Variants in SAMMSON observed in about 807,000 individuals in gnomAD.
SAMMSON encodes long intergenic non-protein coding RNA 1212.
intron 3 of SAMMSON, among the ~76,000 whole-genome samples, chr3:70,060,248 T>A (rs2067182711): frequency 1.3e-5 from 2 of 152,182 alleles, no homozygotes; most frequent in South Asian, 4.1e-4. Flanking sequence ...ACAGAATACA[T>A]TCCCTTATGG....
chr3:70,222,235 TA>T (rs1159827648), intron 4 of SAMMSON, among the ~76,000 whole-genome samples: 1 of 152,118 alleles, frequency 6.6e-6, no homozygotes, highest in Non-Finnish European at 1.5e-5. Context: ...TGGGTTTGGG[TA>T]AAATTCATAC....
At chr3:70,187,996 G>T (rs1325809486) in intron 4 of SAMMSON, among the ~76,000 whole-genome samples, 1 of 152,114 alleles carries the variant, frequency 6.6e-6, no homozygotes, top group East Asian at 1.9e-4. Context: ...TTAAGGAGAA[G>T]GGCAGCCACC....
intron 9 of SAMMSON, among the ~76,000 whole-genome samples, chr3:70,389,272 G>A (rs879468295): frequency 1.3e-5 from 2 of 152,054 alleles, no homozygotes; most frequent in African/African-American, 2.4e-5. Flanking sequence ...ACATACGCCT[G>A]TGTAGTATAA....
intron 3 of SAMMSON, among the ~76,000 whole-genome samples, chr3:70,024,464 T>C (rs956555312): frequency 1.3e-5 from 2 of 152,200 alleles, no homozygotes; most frequent in African/African-American, 4.8e-5. Context: ...ACTCATCATA[T>C]ACCACCAAAT....
intron 3 of SAMMSON, among the ~76,000 whole-genome samples, chr3:70,033,515 G>A (rs1300956377): frequency 6.6e-6 from 1 of 152,152 alleles, no homozygotes; most frequent in East Asian, 1.9e-4. Context: ...GAGAGAGACT[G>A]GCGAAATATG....
chr3:70,295,742 A>G (rs1490262941), intron 7 of SAMMSON, among the ~76,000 whole-genome samples: 1 of 152,194 alleles, frequency 6.6e-6, no homozygotes, highest in Non-Finnish European at 1.5e-5. Flanking sequence ...AAATATTTTA[A>G]AGTGCTGTAT....
intron 4 of SAMMSON, among the ~76,000 whole-genome samples, chr3:70,188,975 G>T (rs1357656547): frequency 2.0e-5 from 3 of 152,082 alleles, no homozygotes; most frequent in Non-Finnish European, 4.4e-5. Context: ...GTCTCCTAAT[G>T]GTTCAAACAC....
intron 2 of SAMMSON, among the ~76,000 whole-genome samples, chr3:70,425,640 A>C (rs9814314): frequency 0.45 from 68,630 of 151,278 alleles, 15,865 homozygotes; most frequent in African/African-American, 0.53. Flanking sequence ...GTCTCGATCT[A>C]CTGACCTCAT....
rs139500601 is a variant in SAMMSON at position 70,427,029 on chromosome 3, T to C, written n.234-35531T>C. 2.7e-3 allele frequency among the ~76,000 whole-genome samples: 415 copies of C among 152,336 alleles called. 2 individuals carry two copies. The highest frequency in any genetic ancestry group is 9.7e-3 in the African/African-American group (405 of 41,574). On this transcript the variant is annotated intron_variant and non_coding_transcript_variant, in intron 2 of 3. Coordinates refer to the SAMMSON transcript ENST00000641053. Reference sequence around the variant, plus strand: ...AATAAAGATATTGATAGTTTGTGAATAGTTTAAATTCTTCAGAAAGTCACT... The same window carrying C: ...AATAAAGATATTGATAGTTTGTGAACAGTTTAAATTCTTCAGAAAGTCACT...
rs2067050518 is a variant in SAMMSON, at chr3:70,028,197, TTCTTTCTC to T, written n.417+14533_417+14540del. Among the ~76,000 whole-genome samples the T allele has an allele frequency of 4.0e-5, 6 of 150,696 alleles. 1 individual carries two copies. Among genetic ancestry groups the T allele is most frequent in the Middle Eastern group, 3.4e-3 (1 of 294 alleles). On this transcript the variant is annotated intron_variant and non_coding_transcript_variant, in intron 3 of 9. Coordinates refer to ENST00000642114, the Ensembl canonical transcript of SAMMSON. ...TTCCTTCCTTCCTTCCTTTCTTTCT[TTCTTTCTC>T]TCTTTCTTTCTTTCTCTTTTTCTTT...
At chr3:70,032,265 G>C (rs2067068901) in intron 3 of SAMMSON, among the ~76,000 whole-genome samples, 1 of 151,126 alleles carries the variant, frequency 6.6e-6, no homozygotes, top group Non-Finnish European at 1.5e-5. Flanking sequence ...AGGAGGAGAA[G>C]GGTACAGGCA....
intron 4 of SAMMSON, among the ~76,000 whole-genome samples, chr3:70,092,920 T>G (rs549268726): frequency 5.8e-4 from 88 of 151,760 alleles, no homozygotes; most frequent in Admixed American, 2.5e-3. Flanking sequence ...TTTTTTGTTT[T>G]TTTTTTCCAC....
chr3:70,332,464 T>A (rs1702628138), intron 7 of SAMMSON, among the ~76,000 whole-genome samples: 1 of 152,128 alleles, frequency 6.6e-6, no homozygotes, highest in African/African-American at 2.4e-5. Context: ...GATGTCCAAG[T>A]GTCATCTCAG....
intron 4 of SAMMSON, among the ~76,000 whole-genome samples, chr3:70,113,609 A>G (rs1300341773): frequency 6.6e-6 from 1 of 152,196 alleles, no homozygotes; most frequent in Non-Finnish European, 1.5e-5. Flanking sequence ...GATGTGTACA[A>G]GTTTATCTCC....
chr3:70,002,012 T>TA (rs1237389364), intron 1 of SAMMSON, among the ~76,000 whole-genome samples: 1 of 152,164 alleles, frequency 6.6e-6, no homozygotes, highest in Non-Finnish European at 1.5e-5. Context: ...ACCAAAGACA[T>TA]ACAGTATATC....
intron 9 of SAMMSON, among the ~76,000 whole-genome samples, chr3:70,380,935 G>A (rs1486743369): frequency 6.6e-6 from 1 of 152,216 alleles, no homozygotes; most frequent in East Asian, 1.9e-4. Flanking sequence ...TCTTAATCCA[G>A]TCTATCATTG....
chr3:70,288,796 C>A (rs1236944838), intron 6 of SAMMSON, among the ~76,000 whole-genome samples: 2 of 151,646 alleles, frequency 1.3e-5, no homozygotes, highest in African/African-American at 2.4e-5. Context: ...TTGAATTGAT[C>A]CCTTTACCAT....
intron 4 of SAMMSON, among the ~76,000 whole-genome samples, chr3:70,147,291 A>AT (rs1312560329): frequency 6.6e-6 from 1 of 151,956 alleles, no homozygotes; most frequent in African/African-American, 2.4e-5. Flanking sequence ...ATTCAAGAAT[A>AT]TTTTTTTGTA....
chr3:70,289,556 A>C lies in SAMMSON; in HGVS notation n.675-1623A>C, dbSNP rs868051194. On this transcript the variant is annotated intron_variant and non_coding_transcript_variant, in intron 6 of 9. Coordinates refer to ENST00000642114, the Ensembl canonical transcript of SAMMSON. ...ATGTGTCTTGGAGTTGCTCTTCTCG[A>C]GGAGTATCTTTGTGGCGTTCTCTGT... Among the ~76,000 whole-genome samples, 1,181 of 147,726 alleles carry C rather than the reference A, an allele frequency of 8.0e-3. 9 individuals carry two copies. Among genetic ancestry groups the C allele is most frequent in the African/African-American group, 0.028 (1,124 of 40,416 alleles).
Sources: allele counts gnomAD v4.1 joint callset (sites outside exome capture counted in the v4.1 genomes callset), GRCh38; gene constraint gnomAD v4.1.1; transcripts MANE v1.5; gene names NCBI Gene and HGNC (gene_info 2026-07-23, HGNC 2026-07-21).